The following LONRF3 variants were observed in gnomAD, a reference collection of about 807,000 sequenced individuals.
LONRF3 encodes the protein LON peptidase N-terminal domain and RING finger protein 3.
Under a neutral mutation model 51.7 loss-of-function variants are expected in LONRF3, and 19 were observed. The observed-to-expected ratio is 0.37, with a 90% CI of 0.26 to 0.54. The LOEUF (loss-of-function observed/expected upper bound fraction) is 0.54. LONRF3 is among the 20% of genes least tolerant of loss of function. LONRF3 has a pLI of 0.86. For synonymous variants in LONRF3, 265 were observed against 257.8 expected (o/e 1.03, Z -0.27); for missense variants, 521 against 623.9 (o/e 0.84, Z 1.76).
rs1250808707 is a variant in LONRF3, at chrX:118,975,213, G to C, written c.433G>C (p.Ala145Pro). 8.6e-7 allele frequency: 1 copy of C among 1,168,821 alleles called. No individual in the cohort carries two copies. The highest frequency in any genetic ancestry group is 1.8e-5 in the African/African-American group (1 of 55,611). ...TVAAEETGAA[A>P]AAAATEVWDG... The stretch of plus-strand genomic sequence containing the variant: ...GGCGGCGGAAGAGACGGGGGCCGCC[G>C]CGGCTGCGGCGGCCACCGAGGTGTG... Residue 145 changes from alanine to proline, a missense_variant, in exon 1 of 11, where the codon GCG (alanine) becomes CCG (proline). Ala to Pro is a conservative substitution (Grantham distance 27). Transcript: ENST00000371628.
At chrX:119,006,065 C>A in intron 5 of LONRF3, 56 bp from the exon 6 acceptor site, 3 of 722,029 alleles carry the variant, frequency 4.2e-6, no homozygotes, top group Admixed American at 5.4e-5. Flanking sequence ...CTTTGAGTCA[C>A]TCTTTTATTT....
At chrX:119,000,775 TTCTC>T (rs200671696) in intron 5 of LONRF3, among the ~76,000 whole-genome samples, 33 of 55,832 alleles carry the variant, frequency 5.9e-4, no homozygotes, top group South Asian at 1.4e-3. Context: ...TTCACTCTCA[TTCTC>T]TCTCTCTCTC....
chrX:118,979,487 G>A (rs55763601), intron 2 of LONRF3, among the ~76,000 whole-genome samples: 8,230 of 110,619 alleles, frequency 0.074, 490 homozygotes, highest in East Asian at 0.33. Context: ...TAGTGACGGG[G>A]TTTTGCCATG....
chrX:118,978,998 C>CTTTTT (rs36016675), intron 2 of LONRF3, among the ~76,000 whole-genome samples: 17 of 56,104 alleles, frequency 3.0e-4, no homozygotes, highest in Admixed American at 4.5e-4. Context: ...TGTTTTCTTT[C>CTTTTT]TTTTTTTTTT....
chrX:118,996,212 T>C (rs1281367284), intron 5 of LONRF3, among the ~76,000 whole-genome samples: 5 of 111,683 alleles, frequency 4.5e-5, no homozygotes, highest in Non-Finnish European at 5.6e-5. Context: ...GTCATAATAC[T>C]GAACGGGGAA....
chrX:118,984,800 C>T (rs969800345), intron 3 of LONRF3, among the ~76,000 whole-genome samples: 8 of 112,083 alleles, frequency 7.1e-5, no homozygotes, highest in South Asian at 3.7e-4. Flanking sequence ...GAGGCCATGG[C>T]GGCGATTCAG....
intron 3 of LONRF3, chrX:118,987,034 C>A: frequency 8.7e-7 from 1 of 1,152,973 alleles, no homozygotes; most frequent in Non-Finnish European, 1.1e-6. Context: ...AACGTAGAGT[C>A]AATGACTACT....
intron 6 of LONRF3, among the ~76,000 whole-genome samples, chrX:119,006,720 C>T (rs1924752178): frequency 8.9e-6 from 1 of 111,984 alleles, no homozygotes; most frequent in African/African-American, 3.2e-5. Flanking sequence ...CCCCGAGTAG[C>T]TGGGACTACA....
chrX:119,011,575 T>C (rs943140570), intron 7 of LONRF3, among the ~76,000 whole-genome samples: 19 of 112,386 alleles, frequency 1.7e-4, no homozygotes, highest in Non-Finnish European at 2.8e-4. Context: ...CAATTTTAAT[T>C]TCTTAGACCT....
Position 119,006,122 on chromosome X carries a change from T to C in LONRF3, c.1417T>C (p.Leu473=). 1 of 1,134,968 alleles carries C rather than the reference T, an allele frequency of 8.8e-7. No homozygotes were observed. Among genetic ancestry groups the C allele is most frequent in the African/African-American group, 1.8e-5 (1 of 56,038 alleles). The allele number at this position is 1,134,968 out of a possible 1,213,427, so 93.5% of individuals were successfully genotyped here. Residue 473 remains leucine, a splice_region_variant and synonymous_variant, in exon 6 of 11, where the codon TTA becomes CTA. Transcript: ENST00000371628. The stretch of plus-strand genomic sequence containing the variant: ...TCCATTTTGATTCCTAAATTTCAGA[T>C]TATTCTATGAGCCAGTCACAACACC... The part of the protein sequence containing the change: ...SDLECALCMR[L]FYEPVTTPCG...
chrX:118,984,491 C>T (rs1353096653), intron 3 of LONRF3, among the ~76,000 whole-genome samples: 4 of 112,097 alleles, frequency 3.6e-5, no homozygotes, highest in African/African-American at 1.3e-4. Context: ...TGTCCATTTC[C>T]CAGCTAGCCT....
intron 2 of LONRF3, among the ~76,000 whole-genome samples, chrX:118,982,298 C>T (rs1922624106): frequency 9.0e-6 from 1 of 111,636 alleles, no homozygotes; most frequent in South Asian, 3.7e-4. Flanking sequence ...CCACTAGCGA[C>T]CTTTGAGGTC....
intron 5 of LONRF3, among the ~76,000 whole-genome samples, chrX:119,004,217 T>G (rs1924543306): frequency 8.9e-6 from 1 of 111,968 alleles, no homozygotes; most frequent in South Asian, 3.7e-4. Context: ...TAACTAAAAT[T>G]TATTAGTTTT....
At position 119,018,339 on chromosome X, in the gene LONRF3, A is replaced by G. The variant is rs932498320; in HGVS notation, c.*649A>G. 2.7e-5 allele frequency: 3 copies of G among 111,785 alleles called. No homozygotes were observed. The highest frequency in any genetic ancestry group is 9.5e-5 in the Admixed American group (1 of 10,524). 9.2% of individuals were successfully genotyped at this position (111,785 alleles called of 1,213,427 possible). On this transcript the variant is annotated 3_prime_UTR_variant, in exon 11 of 11. Transcript: ENST00000371628. ...TTGCTTTTATCTTTTTTTTACTACAATGACACTAGTTCTTAGACCATTTCC... is the reference window on the plus strand; with the variant it reads ...TTGCTTTTATCTTTTTTTTACTACAGTGACACTAGTTCTTAGACCATTTCC...
chrX:119,008,474 T>G (rs965821005), intron 6 of LONRF3, among the ~76,000 whole-genome samples: 2 of 111,929 alleles, frequency 1.8e-5, no homozygotes, highest in East Asian at 5.6e-4. Flanking sequence ...CAATTGAGCC[T>G]GAGTCCAGTT....
intron 6 of LONRF3, among the ~76,000 whole-genome samples, chrX:119,006,450 G>C (rs1924721381): frequency 1.9e-5 from 2 of 103,921 alleles, no homozygotes; most frequent in Admixed American, 2.0e-4. Flanking sequence ...ACCCAGGCTG[G>C]AGTGCAGTGG....
rs1975779 is a variant in LONRF3 at position 118,979,282 on chromosome X, C to T, written c.936+819C>T. On this transcript the variant is annotated intron_variant, in intron 2 of 10. Transcript: ENST00000371628. ...CCTCCCAAAGTGCTGGGATTACAGG[C>T]GTGAGCCACCGCGCTGGCTTTTTTT... 8.1e-3 allele frequency among the ~76,000 whole-genome samples: 882 copies of T among 108,390 alleles called. 12 individuals are homozygous for T. Among genetic ancestry groups the T allele is most frequent in the African/African-American group, 0.028 (834 of 29,495 alleles). 94.1% of individuals were successfully genotyped at this position (108,390 alleles called of 115,157 possible). A position where few individuals can be genotyped will look rare whatever the true frequency, so the allele number is the denominator to read the frequency against.
At chrX:119,007,255 G>T (rs1329666025) in intron 6 of LONRF3, among the ~76,000 whole-genome samples, 1 of 111,986 alleles carries the variant, frequency 8.9e-6, no homozygotes, top group Admixed American at 9.4e-5. Flanking sequence ...GGTAAGCCCT[G>T]ATGTTCCCTT....
intron 5 of LONRF3, among the ~76,000 whole-genome samples, chrX:118,994,147 C>T (rs569158321): frequency 7.2e-5 from 8 of 111,728 alleles, no homozygotes; most frequent in Admixed American, 3.8e-4. Context: ...AAAGTACACA[C>T]GCAACAAAGA....
Sources: allele counts gnomAD v4.1 joint callset (sites outside exome capture counted in the v4.1 genomes callset), GRCh38; gene constraint gnomAD v4.1.1; transcripts MANE v1.5; gene names NCBI Gene and HGNC (gene_info 2026-07-23, HGNC 2026-07-21).